The following MOB1B variants were observed in gnomAD, a reference collection of about 807,000 sequenced individuals.
MOB1B encodes the protein MOB kinase activator 1B.
Under a neutral mutation model 24.4 loss-of-function variants are expected in MOB1B, and 19 were observed. The ratio of observed to expected loss-of-function variants is 0.78; its 90% CI spans 0.54 to 1.14. MOB1B has a LOEUF of 1.14. Among genes scored for constraint, MOB1B ranks in the 50% most tolerant of loss-of-function variants. MOB1B has a pLI of 0.00. For missense variants in MOB1B, 243 were observed against 259.6 expected, an observed-to-expected ratio of 0.94 and a Z score of 0.44; for synonymous variants, 76 against 82.1, an observed-to-expected ratio of 0.93 and a Z score of 0.40.
intron 1 of MOB1B, among the ~76,000 whole-genome samples, chr4:70,919,587 C>T (rs759280853): frequency 1.3e-5 from 2 of 152,164 alleles, no homozygotes; most frequent in Non-Finnish European, 2.9e-5. Flanking sequence ...CAACCTCTGC[C>T]TCCCGGGTTC....
At chr4:70,919,103 A>AACAATGAG (rs1191136037) in intron 1 of MOB1B, among the ~76,000 whole-genome samples, 1 of 151,966 alleles carries the variant, frequency 6.6e-6, no homozygotes, top group Non-Finnish European at 1.5e-5. Context: ...GTGGGAATTG[A>AACAATGAG]ACAATGAGAA....
chr4:70,954,492 G>C (rs1355524531), intron 1 of MOB1B, among the ~76,000 whole-genome samples: 6 of 152,034 alleles, frequency 3.9e-5, no homozygotes, highest in Non-Finnish European at 7.4e-5. Flanking sequence ...GTCTTGCTGT[G>C]TCACCCAGGC....
chr4:70,953,693 C>T lies in MOB1B; in HGVS notation c.15-5181C>T, dbSNP rs140031190. ...CATGATGGCTCATGCCTGTCATTCC[C>T]AGCACTTTGGGAGGCTAAAGCGGGC... On this transcript the variant is annotated intron_variant, in intron 1 of 5. Transcript: ENST00000309395. 2.6e-3 allele frequency among the ~76,000 whole-genome samples: 396 copies of T among 152,326 alleles called. 4 individuals are homozygous for T. The highest frequency in any genetic ancestry group is 8.8e-3 in the African/African-American group (365 of 41,566).
chr4:70,979,155 CTG>C lies in MOB1B; in HGVS notation c.440_441del (p.Val147GlyfsTer10). 2 of 1,613,590 alleles carry C rather than the reference CTG, an allele frequency of 1.2e-6. No homozygotes were observed. On this transcript the variant is annotated frameshift_variant, in exon 5 of 6. Coordinates refer to ENST00000309395, the MANE Select transcript of MOB1B (RefSeq NM_173468.4). LOFTEE classifies it high-confidence loss of function. ...GTCCCGTTCCCAAAGAATTTCATGT[CTG>C]TGGCAAAAACTATACTCAAACGCCT...
intron 1 of MOB1B, among the ~76,000 whole-genome samples, chr4:70,937,334 C>T (rs1262747917): frequency 6.6e-6 from 1 of 151,788 alleles, no homozygotes; most frequent in African/African-American, 2.4e-5. Context: ...ATAATGGCAT[C>T]CTCTGGCGTG....
At chr4:70,910,985 A>C (rs934533665) in intron 1 of MOB1B, among the ~76,000 whole-genome samples, 57 of 152,154 alleles carry the variant, frequency 3.7e-4, no homozygotes, top group African/African-American at 1.2e-3. Context: ...ATGGGGTTTC[A>C]CCATATTGGC....
At chr4:70,957,758 T>A (rs866757977) in intron 1 of MOB1B, among the ~76,000 whole-genome samples, 1,964 of 151,066 alleles carry the variant, frequency 0.013, 38 homozygotes, top group African/African-American at 0.045. Flanking sequence ...GCCTTATTTT[T>A]TTTTTTTTTT....
intron 1 of MOB1B, among the ~76,000 whole-genome samples, chr4:70,906,998 G>A (rs1010897401): frequency 6.6e-6 from 1 of 152,114 alleles, no homozygotes; most frequent in Non-Finnish European, 1.5e-5. Context: ...GAAAGAAGTG[G>A]GTGATAATTA....
At chr4:70,965,995 C>T (rs983557521) in intron 2 of MOB1B, among the ~76,000 whole-genome samples, 18 of 151,898 alleles carry the variant, frequency 1.2e-4, no homozygotes, top group Admixed American at 4.6e-4. Flanking sequence ...AAAAACCTTG[C>T]CACAGTAGTA....
chr4:70,901,859 G>C (rs1197824110), upstream of MOB1B, among the ~76,000 whole-genome samples: 1 of 152,160 alleles, frequency 6.6e-6, no homozygotes, highest in African/African-American at 2.4e-5. Context: ...CTGTGCATTA[G>C]AATGCTTACA....
chr4:70,957,686 T>G (rs1044121020), intron 1 of MOB1B, among the ~76,000 whole-genome samples: 2 of 151,776 alleles, frequency 1.3e-5, no homozygotes, highest in Non-Finnish European at 2.9e-5. Flanking sequence ...GATGCAATCC[T>G]CCTGCCTCTG....
chr4:70,926,895 G>A (rs923753213), intron 1 of MOB1B, among the ~76,000 whole-genome samples: 15 of 152,000 alleles, frequency 9.9e-5, no homozygotes, highest in African/African-American at 3.6e-4. Context: ...TACTTGGGAG[G>A]CTGAGGCAGG....
At chr4:70,968,602 C>T (rs1015410040) in intron 2 of MOB1B, among the ~76,000 whole-genome samples, 7 of 152,102 alleles carry the variant, frequency 4.6e-5, no homozygotes, top group African/African-American at 9.7e-5. Flanking sequence ...TGAGCCACCG[C>T]GCCCAGCCTC....
At chr4:70,908,288 A>G (rs1435874734) in intron 1 of MOB1B, among the ~76,000 whole-genome samples, 1 of 144,608 alleles carries the variant, frequency 6.9e-6, no homozygotes, top group Non-Finnish European at 1.5e-5. Flanking sequence ...TCGGCCTCCC[A>G]AAGTGCTGGG....
At chr4:70,910,593 C>T (rs749792632) in intron 1 of MOB1B, among the ~76,000 whole-genome samples, 2 of 151,798 alleles carry the variant, frequency 1.3e-5, no homozygotes, top group Non-Finnish European at 2.9e-5. Flanking sequence ...CAAGAATACA[C>T]TAGTAGAAGA....
In MOB1B at chr4:70,948,346, C is replaced by T. The variant is rs62325395; in HGVS notation, c.15-10528C>T. ...GTAGTCACATACCTTACAAATCGCC[C>T]GTTTAGAGTGCACTGTTTAATACAG... is the stretch of plus-strand genomic sequence containing the variant. On this transcript the variant is annotated intron_variant, in intron 1 of 5. Transcript: ENST00000309395. Among the ~76,000 whole-genome samples the T allele has an allele frequency of 6.4e-3, 969 of 152,220 alleles. 5 individuals carry two copies. Among genetic ancestry groups the T allele is most frequent in the African/African-American group, 8.0e-3 (334 of 41,538 alleles).
intron 1 of MOB1B, among the ~76,000 whole-genome samples, chr4:70,931,284 A>C (rs967784612): frequency 6.6e-6 from 1 of 152,246 alleles, no homozygotes; most frequent in Admixed American, 6.5e-5. Context: ...TTGCAGTTAC[A>C]TTCTGAAAGA....
intron 1 of MOB1B, among the ~76,000 whole-genome samples, chr4:70,925,594 G>A (rs545151451): frequency 5.3e-5 from 8 of 152,278 alleles, no homozygotes; most frequent in Admixed American, 2.6e-4. Context: ...GACTCTCAAA[G>A]TGTGGATCTT....
At chr4:70,902,308 C>T (rs774224772), upstream of MOB1B, 344 of 596,862 alleles carry the variant, frequency 5.8e-4, 1 homozygote, top group Admixed American at 1.5e-3. Context: ...CCTCCCTTTC[C>T]TTCCCCTCCC....
Sources: gnomAD v4.1 joint callset for allele counts (sites outside exome capture counted in the v4.1 genomes callset) on GRCh38, gnomAD v4.1.1 for gene constraint, MANE v1.5 for transcripts, NCBI Gene and HGNC (gene_info 2026-07-23, HGNC 2026-07-21) for gene names.